The following TTF2 variants were observed in gnomAD, a reference collection of about 807,000 sequenced individuals.
The protein encoded by TTF2 is transcription termination factor 2, also known as RNA polymerase II termination factor.
TTF2 carries 108 observed loss-of-function variants against 142.4 expected under a neutral mutation model. That is an observed-to-expected ratio of 0.76 (90% CI 0.65 to 0.89). The LOEUF is 0.89. Among genes scored for constraint, TTF2 ranks in the 40% least tolerant of loss-of-function variants. TTF2 has a pLI of 0.00. For synonymous variants in TTF2, 483 were observed against 506.2 expected, an observed-to-expected ratio of 0.95 and a Z score of 0.61; for missense variants, 1,327 against 1,379.8, an observed-to-expected ratio of 0.96 and a Z score of 0.61.
rs1647441268 is a variant in TTF2, at chr1:117,080,844, A to T, written c.1784-984A>T. Among the ~76,000 whole-genome samples, 1 of 152,222 alleles carries T rather than the reference A, an allele frequency of 6.6e-6. No individual in the cohort carries two copies. Among genetic ancestry groups the T allele is most frequent in the Non-Finnish European group, 1.5e-5 (1 of 68,042 alleles). ...TCCTCCCAGTGGAGTCACATGGGAT[A>T]TGCTTAATTCTCCCAGCAGGGAGTT... On this transcript the variant is annotated intron_variant, in intron 9 of 22. Coordinates refer to ENST00000369466, the MANE Select transcript of TTF2 (RefSeq NM_003594.4). The surrounding 1 kb of genome is among the most constrained non-coding windows in gnomAD (Gnocchi z 4.3).
intron 4 of TTF2, among the ~76,000 whole-genome samples, chr1:117,074,350 T>G (rs1254919850): frequency 6.6e-6 from 1 of 152,218 alleles, no homozygotes; most frequent in Non-Finnish European, 1.5e-5. Flanking sequence ...CCATTGTGAT[T>G]GTAAAAGCAC....
Position 117,086,268 on chromosome 1 carries a change from TGTGC to T in TTF2, c.2055-145_2055-142del, listed in dbSNP as rs978244441. 9.4e-5 allele frequency: 55 copies of T among 583,070 alleles called. No homozygotes were observed. Among genetic ancestry groups the T allele is most frequent in the African/African-American group, 7.5e-4 (40 of 53,184 alleles). The allele number at this position is 583,070 out of a possible 1,614,324, so 36.1% of individuals were successfully genotyped here. A position where few individuals can be genotyped will look rare whatever the true frequency, so the allele number is the denominator to read the frequency against. On this transcript the variant is annotated intron_variant, in intron 11 of 22. Coordinates refer to ENST00000369466, the MANE Select transcript of TTF2 (RefSeq NM_003594.4). This position sits in a 1 kb window ranked among gnomAD's most constrained non-coding sequence, Gnocchi z 4.2. The stretch of plus-strand genomic sequence containing the variant: ...CAAAATGTGTGTGTGTGTGTGTGTG[TGTGC>T]GTGTGTGTGTTAAGGACACAAGTTA...
intron 20 of TTF2, among the ~76,000 whole-genome samples, chr1:117,096,597 T>G (rs1049422856): frequency 1.3e-5 from 2 of 152,192 alleles, no homozygotes; most frequent in Admixed American, 1.3e-4. Flanking sequence ...AGGCTGGTCT[T>G]GAACTCCTGA....
intron 7 of TTF2, among the ~76,000 whole-genome samples, chr1:117,077,068 G>A (rs1293564645): frequency 6.6e-6 from 1 of 151,940 alleles, no homozygotes; most frequent in Admixed American, 6.6e-5. Context: ...AATGCTTTCT[G>A]TCCCTAATGT....
Position 117,076,002 on chromosome 1 carries a change from T to C in TTF2, c.1275+143T>C. 1 of 1,370,318 alleles carries C rather than the reference T, an allele frequency of 7.3e-7. No individual in the cohort carries two copies. The highest frequency in any genetic ancestry group is 9.7e-7 in the Non-Finnish European group (1 of 1,029,378). 84.9% of individuals were successfully genotyped at this position (1,370,318 alleles called of 1,614,324 possible). A position where few individuals can be genotyped will look rare whatever the true frequency, so the allele number is the denominator to read the frequency against. ...TGTTCAGTTTCTGCCTTTTCCCCTA[T>C]TTATATTTTCAAGATTGGTAAGCCA... On this transcript the variant is annotated intron_variant, in intron 5 of 22. Coordinates refer to ENST00000369466, the MANE Select transcript of TTF2 (RefSeq NM_003594.4). This position sits in a 1 kb window ranked among gnomAD's most constrained non-coding sequence, Gnocchi z 4.6.
At chr1:117,094,103 A>G (rs1412006104) in intron 18 of TTF2, among the ~76,000 whole-genome samples, 1 of 152,252 alleles carries the variant, frequency 6.6e-6, no homozygotes, top group East Asian at 1.9e-4. Context: ...TTTGAATGGT[A>G]CAGTTCTGTG....
intron 3 of TTF2, among the ~76,000 whole-genome samples, chr1:117,068,621 TTAATA>T (rs1248035535): frequency 6.6e-6 from 1 of 152,184 alleles, no homozygotes; most frequent in Admixed American, 6.5e-5. Context: ...TATTTTACTT[TTAATA>T]ACCCTTGAAA....
intron 20 of TTF2, among the ~76,000 whole-genome samples, chr1:117,096,504 A>G (rs1570883795): frequency 6.6e-6 from 1 of 152,234 alleles, no homozygotes; most frequent in African/African-American, 2.4e-5. Context: ...CAGCCTTTCA[A>G]GTAGCTGGGA....
chr1:117,065,159 T>C (rs1655987981), intron 3 of TTF2, among the ~76,000 whole-genome samples: 1 of 152,244 alleles, frequency 6.6e-6, no homozygotes, highest in Non-Finnish European at 1.5e-5. Flanking sequence ...CGTTGGCTGC[T>C]CTAGGATCTT....
Position 117,101,351 on chromosome 1 carries a change from TTTGC to T in TTF2, c.3345-26_3345-23del. 6.4e-7 allele frequency: 1 copy of T among 1,558,422 alleles called. No individual in the cohort carries two copies. Among genetic ancestry groups the T allele is most frequent in the Non-Finnish European group, 8.6e-7 (1 of 1,162,256 alleles). On this transcript the variant is annotated intron_variant, in intron 22 of 22. Transcript: ENST00000369466. This position sits in a 1 kb window ranked among gnomAD's most constrained non-coding sequence, Gnocchi z 5.9. ...ATGTGCTGCTTAGGGTTTTTGATAG[TTTGC>T]TTATTTTTTGTTTTTGTTTTTTAGA...
intron 20 of TTF2, 35 bp downstream of exon 20, chr1:117,096,334 C>T (rs756892789): frequency 6.2e-7 from 1 of 1,610,102 alleles, no homozygotes; most frequent in South Asian, 1.1e-5. Flanking sequence ...GCATAATTAA[C>T]TGTTCTGAGT....
In TTF2 at chr1:117,060,377, AAGGGGCT is replaced by A; in HGVS notation, c.28+8_28+14del. 6.2e-7 allele frequency: 1 copy of A among 1,606,602 alleles called. No individual in the cohort carries two copies. Among genetic ancestry groups the A allele is most frequent in the Non-Finnish European group, 8.5e-7 (1 of 1,175,822 alleles). On this transcript the variant is annotated splice_donor_5th_base_variant and intron_variant, in intron 1 of 22. Coordinates refer to ENST00000369466, the MANE Select transcript of TTF2 (RefSeq NM_003594.4). Reference sequence around the variant, plus strand: ...AGAAGTTAGGTGTCCAGAGCACGGTAAGGGGCTAGGGTCTCAGCGTCCCGGGGCCTGT... The same window carrying A: ...AGAAGTTAGGTGTCCAGAGCACGGTAAGGGTCTCAGCGTCCCGGGGCCTGT...
In TTF2 at chr1:117,060,336, G is replaced by T. The variant is rs768633603; in HGVS notation, c.-11G>T. On this transcript the variant is annotated 5_prime_UTR_variant, in exon 1 of 23. Coordinates refer to ENST00000369466, the MANE Select transcript of TTF2 (RefSeq NM_003594.4). ...GGGCGGGGCTTTGTGGAACTTGGGG[G>T]ACCCAGCGAAATGGAAGAAGTTAGG... The T allele has an allele frequency of 1.3e-6, 2 of 1,596,468 alleles. No individual in the cohort carries two copies. The highest frequency in any genetic ancestry group is 1.7e-4 in the Middle Eastern group (1 of 5,934).
chr1:117,075,109 G>T lies in TTF2; in HGVS notation c.525G>T (p.Glu175Asp), dbSNP rs1656883525. ...QKKEQKPEMM[E>D]KDLSSGLVPK... is the part of the protein sequence containing the mutation. ...AAGAACAGAAGCCTGAAATGATGGA[G>T]AAAGACCTCTCATCTGGCCTGGTAC... is the stretch of plus-strand genomic sequence containing the variant. Residue 175 changes from glutamate (E) to aspartate (D), a missense_variant, in exon 5 of 23, where the codon GAG becomes GAT. Coordinates refer to ENST00000369466, the MANE Select transcript of TTF2 (RefSeq NM_003594.4). The surrounding 1 kb of genome is among the most constrained non-coding windows in gnomAD (Gnocchi z 4.5). 2 of 1,614,020 alleles carry T rather than the reference G, an allele frequency of 1.2e-6. No homozygotes were observed. Among genetic ancestry groups the T allele is most frequent in the Non-Finnish European group, 8.5e-7 (1 of 1,180,020 alleles).
In TTF2 at chr1:117,072,499, A is replaced by G. The variant is rs562463483; in HGVS notation, c.219-1162A>G. On this transcript the variant is annotated intron_variant, in intron 3 of 22. Coordinates refer to ENST00000369466, the MANE Select transcript of TTF2 (RefSeq NM_003594.4). The stretch of plus-strand genomic sequence containing the variant: ...GAGTGCAGTGGTGCAATCTCGGCTC[A>G]CTGCAACCTACGCCTCCCGGGTTCA... 1.5e-4 allele frequency among the ~76,000 whole-genome samples: 21 copies of G among 137,176 alleles called. No homozygotes were observed. The Admixed American group carries it at 1.6e-3, about 10-fold the overall frequency. 90.0% of individuals were successfully genotyped at this position (137,176 alleles called of 152,430 possible).
intron 3 of TTF2, among the ~76,000 whole-genome samples, chr1:117,066,718 TA>T (rs1440862516): frequency 4.5e-4 from 30 of 66,004 alleles, no homozygotes; most frequent in South Asian, 1.2e-3. Flanking sequence ...TTTTTTTTTT[TA>T]AAAGACAGAG....
chr1:117,096,020 AGGTAGCAGAAGGCCTTTC>A lies in TTF2; in HGVS notation c.3036-128_3036-111del. ...GACCTAAATGTGTGCCTTCTCCCTT[AGGTAGCAGAAGGCCTTTC>A]CTTGTCAACATTTGATAGCTAACCT... On this transcript the variant is annotated intron_variant, in intron 19 of 22. Coordinates refer to ENST00000369466, the MANE Select transcript of TTF2 (RefSeq NM_003594.4). The A allele has an allele frequency of 9.8e-6, 9 of 921,402 alleles. 1 individual carries two copies. In the South Asian group the frequency reaches 1.5e-4, roughly 15 times the overall value. 57.1% of individuals were successfully genotyped at this position (921,402 alleles called of 1,614,324 possible). A position where few individuals can be genotyped will look rare whatever the true frequency, so the allele number is the denominator to read the frequency against.
intron 21 of TTF2, 167 bp from the exon 22 acceptor site, chr1:117,098,666 T>A: frequency 1.8e-6 from 1 of 564,944 alleles, no homozygotes; most frequent in Non-Finnish European, 3.1e-6. Context: ...TCACATGATG[T>A]GTGTGTTTTG....
rs1647403560 is a variant in TTF2, at chr1:117,080,484, C to T, written c.1783+835C>T. Among the ~76,000 whole-genome samples the T allele has an allele frequency of 6.6e-6, 1 of 152,184 alleles. No individual in the cohort carries two copies. Among genetic ancestry groups the T allele is most frequent in the South Asian group, 2.1e-4 (1 of 4,826 alleles). ...CCTGAATTAAAGATGTTTATGAGTACATCTGATATATAGAGCCAGGTCATA... is the reference window on the plus strand; with the variant it reads ...CCTGAATTAAAGATGTTTATGAGTATATCTGATATATAGAGCCAGGTCATA... On this transcript the variant is annotated intron_variant, in intron 9 of 22. Transcript: ENST00000369466. The surrounding 1 kb of genome is among the most constrained non-coding windows in gnomAD (Gnocchi z 4.3).
Sources: allele counts gnomAD v4.1 joint callset (sites outside exome capture counted in the v4.1 genomes callset), GRCh38; gene constraint gnomAD v4.1.1; non-coding constraint Gnocchi (gnomAD v3.1); transcripts MANE v1.5; gene names NCBI Gene and HGNC (gene_info 2026-07-23, HGNC 2026-07-21).